Variants in PACSIN1 observed in about 807,000 individuals in gnomAD.
PACSIN1 encodes protein kinase C and casein kinase substrate in neurons protein 1.
PACSIN1 carries 15 observed loss-of-function variants against 59.5 expected under a neutral mutation model. The ratio of observed to expected loss-of-function variants is 0.25; its 90% CI spans 0.17 to 0.39. The LOEUF is 0.39. PACSIN1 is among the 10% of genes least tolerant of loss of function. The probability of loss-of-function intolerance (pLI) is 1.00; values close to 1 mark genes in which losing one functional copy is unlikely to be tolerated. For missense variants in PACSIN1, 420 were observed against 580.2 expected (o/e 0.72, Z 2.84); for synonymous variants, 210 against 220.6 (o/e 0.95, Z 0.42).
chr6:34,499,409 G>C (rs1409826708), intron 1 of PACSIN1, among the ~76,000 whole-genome samples: 1 of 150,410 alleles, frequency 6.6e-6, no homozygotes, highest in Non-Finnish European at 1.5e-5. Flanking sequence ...CCAGGGGTTG[G>C]GGACTCCTGT....
At chr6:34,506,878 G>A (rs1767124027) in intron 1 of PACSIN1, among the ~76,000 whole-genome samples, 1 of 152,176 alleles carries the variant, frequency 6.6e-6, no homozygotes. Flanking sequence ...TGCAGTGGAA[G>A]TCCTGGCTCT....
chr6:34,506,981 G>A (rs1183474150), intron 1 of PACSIN1, among the ~76,000 whole-genome samples: 1 of 152,150 alleles, frequency 6.6e-6, no homozygotes, highest in Non-Finnish European at 1.5e-5. Context: ...TCCTCACAGG[G>A]GAGCATGGGC....
At chr6:34,509,961 G>A (rs915055712) in intron 1 of PACSIN1, among the ~76,000 whole-genome samples, 3 of 152,226 alleles carry the variant, frequency 2.0e-5, no homozygotes, top group African/African-American at 7.2e-5. Flanking sequence ...GTGATTATGT[G>A]TAGTGGGATC....
chr6:34,467,728 T>A (rs575961762), intron 1 of PACSIN1, among the ~76,000 whole-genome samples: 12 of 152,116 alleles, frequency 7.9e-5, no homozygotes, highest in African/African-American at 2.9e-4. Context: ...CCGGCTAATT[T>A]TATATTTTTA....
intron 1 of PACSIN1, among the ~76,000 whole-genome samples, chr6:34,489,291 G>A (rs1766837521): frequency 6.6e-6 from 1 of 152,084 alleles, no homozygotes; most frequent in South Asian, 2.1e-4. Flanking sequence ...ATATTTTTAT[G>A]GTGAGAATAC....
At chr6:34,505,160 G>A (rs1437581910) in intron 1 of PACSIN1, among the ~76,000 whole-genome samples, 1 of 151,954 alleles carries the variant, frequency 6.6e-6, no homozygotes. Context: ...ACACCCAGCT[G>A]ATTTAAAAAT....
At chr6:34,526,926 A>C (rs1767495476) in intron 2 of PACSIN1, among the ~76,000 whole-genome samples, 1 of 152,266 alleles carries the variant, frequency 6.6e-6, no homozygotes, top group Admixed American at 6.5e-5. Flanking sequence ...TCGACAAAAC[A>C]TAATATTATG....
At chr6:34,509,529 T>A in intron 1 of PACSIN1, among the ~76,000 whole-genome samples, 1 of 152,204 alleles carries the variant, frequency 6.6e-6, no homozygotes, top group Non-Finnish European at 1.5e-5. Flanking sequence ...TTCTTCTCAA[T>A]ATTTTTTGGC....
Position 34,532,806 on chromosome 6 carries a change from A to C in PACSIN1, c.*276A>C. The stretch of plus-strand genomic sequence containing the variant: ...CAACATCTGCTCTTCGGGTTCCACC[A>C]AAGAGTCTCCTGAGCCCTGAGGGAT... On this transcript the variant is annotated 3_prime_UTR_variant, in exon 10 of 10. Transcript: ENST00000244458. The surrounding 1 kb of genome is among the most constrained non-coding windows in gnomAD (Gnocchi z 5.2). The C allele has an allele frequency of 2.6e-6, 1 of 382,106 alleles. No homozygotes were observed. Among genetic ancestry groups the C allele is most frequent in the Non-Finnish European group, 4.7e-6 (1 of 210,636 alleles). The allele number at this position is 382,106 out of a possible 1,614,324, so 23.7% of individuals were successfully genotyped here.
intron 1 of PACSIN1, among the ~76,000 whole-genome samples, chr6:34,508,087 T>A (rs1213525946): frequency 6.6e-6 from 1 of 152,146 alleles, no homozygotes; most frequent in Non-Finnish European, 1.5e-5. Flanking sequence ...TGATGGATCG[T>A]ATGGTAGTTC....
rs777288490 is a variant in PACSIN1, at chr6:34,518,963, T to C, written c.-63-7280T>C. Among the ~76,000 whole-genome samples, 29 of 152,120 alleles carry C rather than the reference T, an allele frequency of 1.9e-4. 1 individual carries two copies. Among genetic ancestry groups the C allele is most frequent in the Non-Finnish European group, 2.5e-4 (17 of 68,004 alleles). ...CAAAATGGTGTCTTGTCTACTTGGCTTGAGAGCAGGGGAGGGATGTGGGCC... is the reference window on the plus strand; with the variant it reads ...CAAAATGGTGTCTTGTCTACTTGGCCTGAGAGCAGGGGAGGGATGTGGGCC... On this transcript the variant is annotated intron_variant, in intron 1 of 9. Coordinates refer to ENST00000244458, the MANE Select transcript of PACSIN1 (RefSeq NM_020804.5). This position sits in a 1 kb window ranked among gnomAD's most constrained non-coding sequence, Gnocchi z 4.4.
chr6:34,517,018 T>C (rs1036030914), intron 1 of PACSIN1, among the ~76,000 whole-genome samples: 4 of 151,940 alleles, frequency 2.6e-5, no homozygotes, highest in African/African-American at 9.7e-5. Context: ...GGTGAGGAGG[T>C]ATCTCCAGCT....
chr6:34,486,268 G>A (rs554154889), intron 1 of PACSIN1, among the ~76,000 whole-genome samples: 26 of 152,194 alleles, frequency 1.7e-4, no homozygotes, highest in African/African-American at 6.3e-4. Flanking sequence ...CTTTTTCTCA[G>A]AGCACAGCTG....
intron 1 of PACSIN1, among the ~76,000 whole-genome samples, chr6:34,468,019 G>A (rs535825409): frequency 2.0e-5 from 3 of 152,282 alleles, no homozygotes; most frequent in Non-Finnish European, 2.9e-5. Context: ...TCCTCAGGCC[G>A]CTGGGTTGGC....
intron 1 of PACSIN1, among the ~76,000 whole-genome samples, chr6:34,503,641 C>T (rs1767061548): frequency 6.6e-6 from 1 of 152,224 alleles, no homozygotes; most frequent in Admixed American, 6.5e-5. Context: ...CACCTTACAG[C>T]AAGCCCTGTG....
rs1400452773 is a variant in PACSIN1, at chr6:34,531,836, T to C, written c.1225+49T>C. The C allele has an allele frequency of 6.6e-7, 1 of 1,503,872 alleles. No individual in the cohort carries two copies. The highest frequency in any genetic ancestry group is 8.9e-7 in the Non-Finnish European group (1 of 1,120,988). 93.2% of individuals were successfully genotyped at this position (1,503,872 alleles called of 1,614,324 possible). On this transcript the variant is annotated intron_variant, in intron 9 of 9. Transcript: ENST00000244458. This position sits in a 1 kb window ranked among gnomAD's most constrained non-coding sequence, Gnocchi z 4.4. ...GCCTGAGAGAGGCTTGGGCCTGGATTGGGTGTGTGGTGGTGCAGGGGCGGT... is the reference window on the plus strand; with the variant it reads ...GCCTGAGAGAGGCTTGGGCCTGGATCGGGTGTGTGGTGGTGCAGGGGCGGT...
At chr6:34,528,907 T>TGGGGGGGGGGCGGGGGGGGGGGG in intron 4 of PACSIN1, 30 bp downstream of exon 4, 1 of 250,436 alleles carries the variant, frequency 4.0e-6, no homozygotes, top group Non-Finnish European at 7.9e-6. Flanking sequence ...ACGGGCGGGG[T>TGGGGGGGGGGCGGGGGGGGGGGG]GGGGTGGGCC....
intron 1 of PACSIN1, among the ~76,000 whole-genome samples, chr6:34,490,208 A>T (rs1450791204): frequency 7.2e-6 from 1 of 139,788 alleles, no homozygotes; most frequent in Non-Finnish European, 1.5e-5. Context: ...GCACCACCAC[A>T]CCTGGCTAAT....
intron 1 of PACSIN1, among the ~76,000 whole-genome samples, chr6:34,505,631 CTT>C (rs35588714): frequency 1.9e-5 from 2 of 106,418 alleles, no homozygotes; most frequent in Admixed American, 1.3e-4. Context: ...TACCTCCATA[CTT>C]TTTTTTTTTT....
Sources: gnomAD v4.1 joint callset for allele counts (sites outside exome capture counted in the v4.1 genomes callset) on GRCh38, gnomAD v4.1.1 for gene constraint, Gnocchi (gnomAD v3.1) non-coding constraint, MANE v1.5 for transcripts, NCBI Gene and HGNC (gene_info 2026-07-23, HGNC 2026-07-21) for gene names.